CERS6: variants seen among roughly 807,000 people sequenced by gnomAD.
CERS6 encodes ceramide synthase 6.
A neutral mutation model predicts 56.8 loss-of-function variants in CERS6; 26 were observed. The ratio of observed to expected loss-of-function variants is 0.46; its 90% CI spans 0.34 to 0.63. The LOEUF is 0.63. Ranked by LOEUF, CERS6 falls within the 30% of genes least tolerant of loss-of-function variation. CERS6 has a pLI of 0.01. For missense variants in CERS6, 415 were observed against 467.5 expected (o/e 0.89, Z 1.04); for synonymous variants, 164 against 173.3 (o/e 0.95, Z 0.42).
chr2:168,552,362 AC>A (rs1695589432), intron 2 of CERS6, among the ~76,000 whole-genome samples: 2 of 118,298 alleles, frequency 1.7e-5, no homozygotes, highest in Admixed American at 9.3e-5. Context: ...ACACACACAC[AC>A]ACACACACAC....
At chr2:168,759,403 G>A (rs1287080021) in intron 8 of CERS6, among the ~76,000 whole-genome samples, 1 of 152,174 alleles carries the variant, frequency 6.6e-6, no homozygotes, top group Non-Finnish European at 1.5e-5. Context: ...TGCATGATAT[G>A]CCATCTAGTG....
At chr2:168,705,551 G>A (rs191659935) in intron 6 of CERS6, among the ~76,000 whole-genome samples, 34 of 152,260 alleles carry the variant, frequency 2.2e-4, no homozygotes, top group Non-Finnish European at 4.4e-4. Context: ...ATGATGACAA[G>A]AGTTCCCCAA....
chr2:168,623,542 T>C (rs1251593750), intron 3 of CERS6, among the ~76,000 whole-genome samples: 1 of 152,186 alleles, frequency 6.6e-6, no homozygotes, highest in Non-Finnish European at 1.5e-5. Context: ...CGAGAAAGAA[T>C]TTTGTATCTG....
intron 7 of CERS6, among the ~76,000 whole-genome samples, chr2:168,716,627 A>G (rs1325218769): frequency 5.3e-5 from 8 of 152,144 alleles, no homozygotes; most frequent in African/African-American, 1.4e-4. Context: ...TATGGCCTAG[A>G]CGTTTCTGAA....
rs150850265 is a variant in CERS6 at position 168,464,369 on chromosome 2, C to T, written c.170+7751C>T. 1.1e-3 allele frequency among the ~76,000 whole-genome samples: 161 copies of T among 152,050 alleles called. 1 individual carries two copies. The highest frequency in any genetic ancestry group is 3.2e-3 in the African/African-American group (132 of 41,486). On this transcript the variant is annotated intron_variant, in intron 1 of 9. Coordinates refer to ENST00000305747, the MANE Select transcript of CERS6 (RefSeq NM_203463.3). ...AGAGATGGGGTTTCACCATGTTGGC[C>T]GGGCTAGTTTCGAACTCTTGATCTC...
intron 3 of CERS6, among the ~76,000 whole-genome samples, chr2:168,613,728 C>G (rs1684242676): frequency 6.6e-6 from 1 of 152,138 alleles, no homozygotes; most frequent in African/African-American, 2.4e-5. Flanking sequence ...TCATGCTGCT[C>G]ATTTTCTAAG....
Position 168,654,968 on chromosome 2 carries a change from G to A in CERS6, c.465+23926G>A, listed in dbSNP as rs1685433416. On this transcript the variant is annotated intron_variant, in intron 4 of 9. Coordinates refer to ENST00000305747, the MANE Select transcript of CERS6 (RefSeq NM_203463.3). Reference sequence around the variant, plus strand: ...TAAGCCTTCTTATCCTAAGTTAGTTGCTAGGCCAGTAGAGTACAGTCATGC... The same window carrying A: ...TAAGCCTTCTTATCCTAAGTTAGTTACTAGGCCAGTAGAGTACAGTCATGC... 2.6e-5 allele frequency among the ~76,000 whole-genome samples: 4 copies of A among 152,158 alleles called. No individual in the cohort carries two copies. In the South Asian group the frequency reaches 8.3e-4, roughly 32 times the overall value.
chr2:168,675,579 C>G (rs7422717), intron 4 of CERS6, among the ~76,000 whole-genome samples: 141,863 of 152,148 alleles, frequency 0.93, 66,190 homozygotes, highest in East Asian at 0.98. Context: ...GAGCGAGACC[C>G]TGTCTCAAAA....
chr2:168,575,226 G>A (rs1395222793), intron 3 of CERS6, among the ~76,000 whole-genome samples: 4 of 152,094 alleles, frequency 2.6e-5, no homozygotes, highest in Admixed American at 2.0e-4. Flanking sequence ...ATAGAGCACT[G>A]GTGCCTTATG....
At chr2:168,577,162 G>C (rs1169065449) in intron 3 of CERS6, among the ~76,000 whole-genome samples, 2 of 152,274 alleles carry the variant, frequency 1.3e-5, no homozygotes, top group Admixed American at 1.3e-4. Flanking sequence ...AGGGTAAGTA[G>C]AGGAAACATC....
At chr2:168,743,298 C>T (rs899328944) in intron 8 of CERS6, among the ~76,000 whole-genome samples, 6 of 151,572 alleles carry the variant, frequency 4.0e-5, no homozygotes, top group Non-Finnish European at 5.9e-5. Context: ...GAAGAGGCAG[C>T]TTGAGGCAAA....
intron 8 of CERS6, among the ~76,000 whole-genome samples, chr2:168,741,616 C>T (rs544974631): frequency 6.6e-6 from 1 of 152,050 alleles, no homozygotes; most frequent in Non-Finnish European, 1.5e-5. Context: ...TGGACAAGCT[C>T]GAATTAGAGA....
At chr2:168,726,251 G>A (rs183248157) in intron 8 of CERS6, among the ~76,000 whole-genome samples, 15 of 152,186 alleles carry the variant, frequency 9.9e-5, no homozygotes, top group East Asian at 7.7e-4. Context: ...GTGATTCACC[G>A]GGCTCTCTGG....
intron 1 of CERS6, among the ~76,000 whole-genome samples, chr2:168,541,867 T>C (rs2105369119): frequency 6.6e-6 from 1 of 152,364 alleles, no homozygotes; most frequent in South Asian, 2.1e-4. Flanking sequence ...GCATTGTCTC[T>C]TCTATAGTTC....
At chr2:168,465,791 C>A (rs1006582818) in intron 1 of CERS6, among the ~76,000 whole-genome samples, 5 of 151,932 alleles carry the variant, frequency 3.3e-5, no homozygotes, top group African/African-American at 4.8e-5. Flanking sequence ...CTTGGTTGCA[C>A]AACAATGTGA....
chr2:168,657,808 G>A (rs868656379), intron 4 of CERS6, among the ~76,000 whole-genome samples: 7 of 152,206 alleles, frequency 4.6e-5, no homozygotes, highest in African/African-American at 9.6e-5. Flanking sequence ...CCCGGTTCCC[G>A]CTCGTGCCTC....
chr2:168,605,739 G>A (rs1394587850), intron 3 of CERS6, among the ~76,000 whole-genome samples: 8 of 152,208 alleles, frequency 5.3e-5, no homozygotes, highest in African/African-American at 1.9e-4. Flanking sequence ...TTGAGATGTT[G>A]CTTCAGGGCT....
At chr2:168,618,967 T>C (rs186176364) in intron 3 of CERS6, among the ~76,000 whole-genome samples, 13 of 152,076 alleles carry the variant, frequency 8.5e-5, no homozygotes, top group Non-Finnish European at 1.5e-4. Context: ...CAAACTATAC[T>C]ATAAGGCCAT....
chr2:168,490,167 T>C (rs1694344634), intron 1 of CERS6, among the ~76,000 whole-genome samples: 1 of 152,208 alleles, frequency 6.6e-6, no homozygotes, highest in South Asian at 2.1e-4. Flanking sequence ...GTTGCTATAC[T>C]GTTCTAGATC....
Sources: gnomAD v4.1 joint callset for allele counts (sites outside exome capture counted in the v4.1 genomes callset) on GRCh38, gnomAD v4.1.1 for gene constraint, MANE v1.5 for transcripts, NCBI Gene and HGNC (gene_info 2026-07-23, HGNC 2026-07-21) for gene names.